The following GRIK1 variants were observed in gnomAD, a reference collection of about 807,000 sequenced individuals.
GRIK1 encodes the protein glutamate receptor ionotropic, kainate 1.
Under a neutral mutation model 105.7 loss-of-function variants are expected in GRIK1, and 69 were observed. The observed-to-expected ratio is 0.65, with a 90% confidence interval of 0.54 to 0.80. The LOEUF (loss-of-function observed/expected upper bound fraction) is 0.80. GRIK1 is among the 30% of genes least tolerant of loss of function. GRIK1 has a pLI of 0.00. For missense variants in GRIK1, 1,109 were observed against 1,167.3 expected, an observed-to-expected ratio of 0.95 and a Z score of 0.73; for synonymous variants, 438 against 431.3, an observed-to-expected ratio of 1.02 and a Z score of -0.19.
intron 1 of GRIK1, among the ~76,000 whole-genome samples, chr21:29,750,810 T>A (rs1030753428): frequency 7.2e-5 from 11 of 152,198 alleles, no homozygotes; most frequent in African/African-American, 2.4e-4. Context: ...AATTGATGTA[T>A]CTAATAAGAT....
intron 1 of GRIK1, among the ~76,000 whole-genome samples, chr21:29,848,164 G>T (rs1395396420): frequency 6.6e-6 from 1 of 152,044 alleles, no homozygotes; most frequent in Non-Finnish European, 1.5e-5. Flanking sequence ...GCTTCTAGTT[G>T]CACTTTTACC....
chr21:29,654,248 C>T (rs983116423), intron 5 of GRIK1, among the ~76,000 whole-genome samples: 1 of 152,160 alleles, frequency 6.6e-6, no homozygotes, highest in African/African-American at 2.4e-5. Context: ...CAGATAGTCT[C>T]TCAAAATTTA....
chr21:29,824,411 T>G (rs577367995), intron 1 of GRIK1, among the ~76,000 whole-genome samples: 4 of 151,946 alleles, frequency 2.6e-5, no homozygotes, highest in South Asian at 4.2e-4. Flanking sequence ...TACATTTCAC[T>G]AGGGGAGACA....
At chr21:29,666,195 G>A (rs1601407051) in intron 4 of GRIK1, among the ~76,000 whole-genome samples, 1 of 152,128 alleles carries the variant, frequency 6.6e-6, no homozygotes, top group East Asian at 1.9e-4. Context: ...CCTGAGGTCG[G>A]GAGTTTGAGA....
At chr21:29,675,354 G>A (rs1601426343) in intron 3 of GRIK1, among the ~76,000 whole-genome samples, 1 of 151,984 alleles carries the variant, frequency 6.6e-6, no homozygotes, top group Non-Finnish European at 1.5e-5. Flanking sequence ...CCACCCACCT[G>A]CTTTGCAATC....
At chr21:29,712,349 T>A (rs1457418391) in intron 1 of GRIK1, among the ~76,000 whole-genome samples, 1 of 152,114 alleles carries the variant, frequency 6.6e-6, no homozygotes, top group African/African-American at 2.4e-5. Context: ...TAAATTCTTG[T>A]GAATAAAATG....
rs139401829 is a variant in GRIK1, at chr21:29,792,767, C to T, written c.119-98704G>A. On this transcript the variant is annotated intron_variant, in intron 1 of 17. Coordinates refer to ENST00000327783, the MANE Select transcript of GRIK1 (RefSeq NM_001330994.2). ...TGCAAGTTGCAAGGTACACCTATTCCTATTCATGATGCGACTTAGTATGAA... is the reference window on the plus strand; with the variant it reads ...TGCAAGTTGCAAGGTACACCTATTCTTATTCATGATGCGACTTAGTATGAA... Among the ~76,000 whole-genome samples, 175 of 152,284 alleles carry T rather than the reference C, an allele frequency of 1.1e-3. 1 individual carries two copies. The highest frequency in any genetic ancestry group is 4.0e-3 in the African/African-American group (168 of 41,558).
chr21:29,856,019 G>T (rs1487930948), intron 1 of GRIK1, among the ~76,000 whole-genome samples: 1 of 152,170 alleles, frequency 6.6e-6, no homozygotes, highest in African/African-American at 2.4e-5. Flanking sequence ...TGGAAATATT[G>T]TTTCAGATTC....
At chr21:29,730,028 A>AT (rs1049505623) in intron 1 of GRIK1, among the ~76,000 whole-genome samples, 4 of 152,140 alleles carry the variant, frequency 2.6e-5, no homozygotes, top group African/African-American at 9.7e-5. Flanking sequence ...TAATCACTAC[A>AT]TTTTCCCAAT....
At chr21:29,722,909 C>T (rs1237080664) in intron 1 of GRIK1, among the ~76,000 whole-genome samples, 1 of 152,100 alleles carries the variant, frequency 6.6e-6, no homozygotes, top group Admixed American at 6.6e-5. Flanking sequence ...ATAAAATGTT[C>T]GTAGCAGTTA....
intron 1 of GRIK1, among the ~76,000 whole-genome samples, chr21:29,781,082 T>C (rs1444980033): frequency 6.6e-6 from 1 of 152,184 alleles, no homozygotes; most frequent in East Asian, 1.9e-4. Context: ...TAGGTGAGCA[T>C]TAAAATGCTC....
chr21:29,590,669 G>A (rs1647089486), intron 10 of GRIK1, among the ~76,000 whole-genome samples: 1 of 152,226 alleles, frequency 6.6e-6, no homozygotes, highest in South Asian at 2.1e-4. Context: ...CCTAAAAACA[G>A]TGCCACTGAT....
At chr21:29,643,631 G>A (rs947725755) in intron 6 of GRIK1, among the ~76,000 whole-genome samples, 4 of 152,116 alleles carry the variant, frequency 2.6e-5, no homozygotes, top group African/African-American at 9.7e-5. Context: ...TCCTTTTAGG[G>A]GGTTGGGCAT....
chr21:29,673,147 C>T lies in GRIK1; in HGVS notation c.562G>A (p.Glu188Lys), dbSNP rs1211438411. Residue 188 changes from glutamate to lysine, a missense_variant, in exon 4 of 18, where the codon GAG (glutamate) becomes AAG (lysine). Physicochemically the swap from Glu to Lys is moderately conservative, Grantham distance 56 (BLOSUM62 1). Around this residue, in one of 5 missense-constraint regions of GRIK1, gnomAD observed 612 missense variants for 586.0 expected, o/e 1.04. Coordinates refer to ENST00000327783, the MANE Select transcript of GRIK1 (RefSeq NM_001330994.2). ...TATCTGGAGGGAGCTTTGATGAGCT[C>T]TTGTAGACGAATTAGACCTAGAAAA... ...EDSTGLIRLQ[E>K]LIKAPSRYNI... 1 of 1,609,362 alleles carries T rather than the reference C, an allele frequency of 6.2e-7. No homozygotes were observed. Among genetic ancestry groups the T allele is most frequent in the Non-Finnish European group, 8.5e-7 (1 of 1,176,414 alleles).
intron 6 of GRIK1, among the ~76,000 whole-genome samples, chr21:29,646,105 A>G (rs1435324916): frequency 6.6e-6 from 1 of 152,188 alleles, no homozygotes; most frequent in Non-Finnish European, 1.5e-5. Context: ...AATGTCAGAT[A>G]GTTTATGCTA....
intron 1 of GRIK1, among the ~76,000 whole-genome samples, chr21:29,852,198 T>G (rs934743104): frequency 6.6e-6 from 1 of 152,166 alleles, no homozygotes; most frequent in Non-Finnish European, 1.5e-5. Flanking sequence ...TCCTTCTACC[T>G]TGATGCTTGA....
chr21:29,605,401 C>T (rs2061592994), intron 7 of GRIK1, among the ~76,000 whole-genome samples: 1 of 152,290 alleles, frequency 6.6e-6, no homozygotes, highest in Admixed American at 6.5e-5. Context: ...TGATCTTGTT[C>T]CTTTTTATGG....
chr21:29,825,427 A>C (rs1270730303), intron 1 of GRIK1, among the ~76,000 whole-genome samples: 3 of 152,134 alleles, frequency 2.0e-5, no homozygotes, highest in Non-Finnish European at 4.4e-5. Flanking sequence ...CAAACTCATC[A>C]AAAAATTTAC....
At chr21:29,553,307 G>A (rs963584703) in intron 16 of GRIK1, 47 of 1,097,816 alleles carry the variant, frequency 4.3e-5, no homozygotes, top group Admixed American at 5.0e-5. Context: ...GATGATGAGT[G>A]GGACAGAGAA....
Sources: allele counts gnomAD v4.1 joint callset (sites outside exome capture counted in the v4.1 genomes callset), GRCh38; gene constraint gnomAD v4.1.1; regional missense constraint gnomAD v4.1.1; transcripts MANE v1.5; gene names NCBI Gene and HGNC (gene_info 2026-07-23, HGNC 2026-07-21).